The following KCTD16 variants were observed in gnomAD, a reference collection of about 807,000 sequenced individuals.
KCTD16 encodes potassium channel tetramerization domain containing 16.
Under a neutral mutation model 33.2 loss-of-function variants are expected in KCTD16, and 13 were observed. The observed-to-expected ratio is 0.39, with a 90% CI of 0.25 to 0.62. The LOEUF (loss-of-function observed/expected upper bound fraction) is 0.62. KCTD16 is among the 20% of genes least tolerant of loss of function. The pLI, the probability that KCTD16 is intolerant of heterozygous loss-of-function variation, is 0.50. For synonymous variants in KCTD16, 197 were observed against 195.3 expected, an observed-to-expected ratio of 1.01 and a Z score of -0.07; for missense variants, 441 against 525.1, an observed-to-expected ratio of 0.84 and a Z score of 1.57.
At chr5:144,232,396 T>C (rs1275016028) in intron 3 of KCTD16, among the ~76,000 whole-genome samples, 2 of 152,226 alleles carry the variant, frequency 1.3e-5, no homozygotes, top group Non-Finnish European at 2.9e-5. Context: ...TTAGACACAT[T>C]ATTTGAACGT....
chr5:144,213,377 C>CTCTT (rs531003744), intron 3 of KCTD16, among the ~76,000 whole-genome samples: 36 of 151,162 alleles, frequency 2.4e-4, no homozygotes, highest in Admixed American at 8.6e-4. Context: ...TCCCTTCTTT[C>CTCTT]TCTTTCTTTC....
At chr5:144,403,774 C>A (rs905665081) in intron 3 of KCTD16, among the ~76,000 whole-genome samples, 1 of 152,196 alleles carries the variant, frequency 6.6e-6, no homozygotes, top group African/African-American at 2.4e-5. Context: ...CACACATAGG[C>A]AGTGCTCTTT....
intron 3 of KCTD16, among the ~76,000 whole-genome samples, chr5:144,422,517 C>G (rs1019746055): frequency 4.6e-5 from 7 of 152,168 alleles, no homozygotes; most frequent in African/African-American, 1.7e-4. Flanking sequence ...AGAGCCATCT[C>G]AACTCCGTCT....
intron 3 of KCTD16, among the ~76,000 whole-genome samples, chr5:144,336,923 G>C (rs1752507135): frequency 1.3e-5 from 2 of 151,880 alleles, no homozygotes; most frequent in Non-Finnish European, 1.5e-5. Context: ...AAATCTAAGA[G>C]AGAAGTCTGT....
chr5:144,227,588 G>C (rs1164622231), intron 3 of KCTD16, among the ~76,000 whole-genome samples: 2 of 152,206 alleles, frequency 1.3e-5, no homozygotes. Flanking sequence ...CCTGCCAAAT[G>C]ATGTCAGAAA....
chr5:144,412,305 T>C (rs1752950133), intron 3 of KCTD16, among the ~76,000 whole-genome samples: 1 of 152,138 alleles, frequency 6.6e-6, no homozygotes, highest in Non-Finnish European at 1.5e-5. Flanking sequence ...GATAAAGAAA[T>C]GTGGTAAATG....
intron 3 of KCTD16, among the ~76,000 whole-genome samples, chr5:144,308,648 G>A (rs1422203069): frequency 2.6e-5 from 4 of 151,842 alleles, no homozygotes; most frequent in African/African-American, 9.7e-5. Context: ...TGTTGGTATT[G>A]ATATCTATAT....
chr5:144,302,945 A>G (rs138227013), intron 3 of KCTD16, among the ~76,000 whole-genome samples: 3 of 152,342 alleles, frequency 2.0e-5, no homozygotes, highest in Non-Finnish European at 4.4e-5. Flanking sequence ...AGCCTATAGA[A>G]TGAGCAGCAG....
At position 144,207,509 on chromosome 5, in the gene KCTD16, C is replaced by G. The variant is rs749481448; in HGVS notation, c.795C>G (p.Asp265Glu). The G allele has an allele frequency of 5.0e-6, 8 of 1,613,820 alleles. No individual in the cohort carries two copies. The South Asian group carries it at 8.8e-5, about 18-fold the overall frequency. Residue 265 changes from aspartate (D) to glutamate (E), a missense_variant, in exon 3 of 4, where the codon GAC becomes GAG. Asp to Glu is a conservative substitution (Grantham distance 45, BLOSUM62 2). This residue lies in a region of KCTD16 where 355 missense variants were observed against 413.0 expected (regional missense o/e 0.86). Coordinates refer to ENST00000512467, the MANE Select transcript of KCTD16 (RefSeq NM_020768.4). ...CTTTCATCAACCAATATACAGATGACAAGATCTGGTCAAGCTACACTGAAT... is the reference window on the plus strand; with the variant it reads ...CTTTCATCAACCAATATACAGATGAGAAGATCTGGTCAAGCTACACTGAAT... ...TASFINQYTD[D>E]KIWSSYTEYV...
chr5:144,244,269 C>G (rs972913899), intron 3 of KCTD16, among the ~76,000 whole-genome samples: 1 of 152,094 alleles, frequency 6.6e-6, no homozygotes, highest in Non-Finnish European at 1.5e-5. Flanking sequence ...CTATAAGATG[C>G]TTGATTATGA....
intron 3 of KCTD16, among the ~76,000 whole-genome samples, chr5:144,335,043 G>T (rs1288792365): frequency 6.6e-6 from 1 of 151,932 alleles, no homozygotes; most frequent in African/African-American, 2.4e-5. Flanking sequence ...ACCTTCCAAA[G>T]TTCTGGGATT....
intron 3 of KCTD16, among the ~76,000 whole-genome samples, chr5:144,251,924 T>A (rs1754711317): frequency 6.6e-6 from 1 of 152,212 alleles, no homozygotes; most frequent in African/African-American, 2.4e-5. Flanking sequence ...GAGACAACCA[T>A]CCCATTTATC....
rs199770117 is a variant in KCTD16, at chr5:144,209,872, GTGTA to G, written c.832+2336_832+2339del. On this transcript the variant is annotated intron_variant, in intron 3 of 3. Transcript: ENST00000512467. ...TGTATATATATACACATATATATGTGTGTATGTATGTATATATATGTGTGTGTAT... is the reference window on the plus strand; with the variant it reads ...TGTATATATATACACATATATATGTGTGTATGTATATATATGTGTGTGTAT... Among the ~76,000 whole-genome samples, 54 of 144,866 alleles carry G rather than the reference GTGTA, an allele frequency of 3.7e-4. No homozygotes were observed. The East Asian group carries it at 9.5e-3, about 25-fold the overall frequency.
In KCTD16 at chr5:144,475,975, T is replaced by A. The variant is rs1200569191; in HGVS notation, c.*1861T>A. 2 of 152,244 alleles carry A rather than the reference T, an allele frequency of 1.3e-5. No individual in the cohort carries two copies. The highest frequency in any genetic ancestry group is 4.8e-5 in the African/African-American group (2 of 41,468). The allele number at this position is 152,244 out of a possible 1,614,324, so 9.4% of individuals were successfully genotyped here. ...AAAGTTTATCTTGGGAGTTGAGTTG[T>A]CAAGAGAATTATAATTTATGAATTT... On this transcript the variant is annotated 3_prime_UTR_variant, in exon 4 of 4. Transcript: ENST00000512467.
intron 2 of KCTD16, among the ~76,000 whole-genome samples, chr5:144,188,320 G>C (rs114085810): frequency 6.6e-6 from 1 of 152,030 alleles, no homozygotes; most frequent in Non-Finnish European, 1.5e-5. Flanking sequence ...CATTAAGGCC[G>C]CATTCTCATC....
intron 3 of KCTD16, among the ~76,000 whole-genome samples, chr5:144,378,872 A>T (rs897834745): frequency 2.0e-5 from 3 of 152,150 alleles, no homozygotes; most frequent in Admixed American, 2.0e-4. Context: ...TTTTGTATTA[A>T]ATGACTTTTT....
At chr5:144,306,630 G>A (rs77715372) in intron 3 of KCTD16, among the ~76,000 whole-genome samples, 5,038 of 152,250 alleles carry the variant, frequency 0.033, 124 homozygotes, top group South Asian at 0.09. Flanking sequence ...TCATTGGCTC[G>A]CATTACCTCT....
At chr5:144,366,268 A>G (rs1433149535) in intron 3 of KCTD16, among the ~76,000 whole-genome samples, 1 of 152,224 alleles carries the variant, frequency 6.6e-6, no homozygotes, top group Non-Finnish European at 1.5e-5. Flanking sequence ...TATGCCTGCT[A>G]GAAATTACTG....
intron 3 of KCTD16, among the ~76,000 whole-genome samples, chr5:144,318,855 A>G (rs1002360927): frequency 5.9e-5 from 9 of 152,224 alleles, no homozygotes; most frequent in Admixed American, 5.2e-4. Flanking sequence ...TAATTGCTAC[A>G]TATTTATTTT....
Sources: allele counts gnomAD v4.1 joint callset (sites outside exome capture counted in the v4.1 genomes callset), GRCh38; gene constraint gnomAD v4.1.1; regional missense constraint gnomAD v4.1.1; transcripts MANE v1.5; gene names NCBI Gene and HGNC (gene_info 2026-07-23, HGNC 2026-07-21).